Variants in PPM1L observed in about 807,000 individuals in gnomAD.
PPM1L encodes the protein protein phosphatase, Mg2+/Mn2+ dependent 1L.
A neutral mutation model predicts 31.4 loss-of-function variants in PPM1L; 13 were observed. The observed-to-expected ratio is 0.41, with a 90% CI of 0.27 to 0.66. PPM1L has a LOEUF of 0.66. Among genes scored for constraint, PPM1L ranks in the 30% least tolerant of loss-of-function variants. The pLI, the probability that PPM1L is intolerant of heterozygous loss-of-function variation, is 0.29. For missense variants in PPM1L, 326 were observed against 453.7 expected (o/e 0.72, Z 2.56); for synonymous variants, 184 against 175.4 (o/e 1.05, Z -0.39).
rs1490868317 is a variant in PPM1L, at chr3:160,994,163, A to G, written c.574+32253A>G. On this transcript the variant is annotated intron_variant, in intron 2 of 3. Transcript: ENST00000498165. ...TTCATCCAGAAAATAGTAATTGGGC[A>G]CCTATTTGTTATGCTGACCCTTATC... Among the ~76,000 whole-genome samples the G allele has an allele frequency of 3.3e-5, 5 of 152,148 alleles. No homozygotes were observed. In the East Asian group the frequency reaches 9.6e-4, roughly 29 times the overall value.
chr3:160,973,771 T>TG (rs1344535777), intron 2 of PPM1L, among the ~76,000 whole-genome samples: 1 of 44,232 alleles, frequency 2.3e-5, no homozygotes, highest in Non-Finnish European at 3.8e-5. Context: ...CCTGTTTTTT[T>TG]TTTTTTTTTT....
chr3:160,784,604 A>C (rs909248739), intron 1 of PPM1L, among the ~76,000 whole-genome samples: 1 of 152,238 alleles, frequency 6.6e-6, no homozygotes, highest in East Asian at 1.9e-4. Flanking sequence ...TGAGTTTAAC[A>C]ATCTACAAAA....
intron 1 of PPM1L, among the ~76,000 whole-genome samples, chr3:160,799,152 G>T (rs1712348166): frequency 6.6e-6 from 1 of 152,228 alleles, no homozygotes; most frequent in African/African-American, 2.4e-5. Flanking sequence ...TGTGAACATT[G>T]TTGAAATGAC....
At chr3:160,968,601 A>G (rs947891465) in intron 2 of PPM1L, among the ~76,000 whole-genome samples, 9 of 152,188 alleles carry the variant, frequency 5.9e-5, no homozygotes, top group Non-Finnish European at 1.3e-4. Context: ...GGGCATGAAT[A>G]AATATTCCCT....
At chr3:160,934,444 T>A (rs1714890886) in intron 1 of PPM1L, among the ~76,000 whole-genome samples, 1 of 152,246 alleles carries the variant, frequency 6.6e-6, no homozygotes. Flanking sequence ...CATTATGTTA[T>A]AATGAAAGTA....
In PPM1L at chr3:160,944,798, A is replaced by G. The variant is rs1269846945; in HGVS notation, c.400-16938A>G. ...ATATATTATATTATATATGTTATAT[A>G]TAACATATATAACATATATATGTTA... On this transcript the variant is annotated intron_variant, in intron 1 of 3. Transcript: ENST00000498165. 7.6e-4 allele frequency among the ~76,000 whole-genome samples: 18 copies of G among 23,590 alleles called. 4 individuals are homozygous for G. Among genetic ancestry groups the G allele is most frequent in the Non-Finnish European group, 1.7e-3 (13 of 7,854 alleles). The allele number at this position is 23,590 out of a possible 152,430, so 15.5% of individuals were successfully genotyped here.
rs78899270 is a variant in PPM1L, at chr3:161,014,183, G to A, written c.575-51220G>A. On this transcript the variant is annotated intron_variant, in intron 2 of 3. Coordinates refer to ENST00000498165, the MANE Select transcript of PPM1L (RefSeq NM_139245.4). ...TACTGGTTGTTCCTTTCCATGTGTA[G>A]TGCTTCCTTCAGGAGCTCTTGTAGG... Among the ~76,000 whole-genome samples, 37 of 152,214 alleles carry A rather than the reference G, an allele frequency of 2.4e-4. No homozygotes were observed. In the East Asian group the frequency reaches 7.0e-3, roughly 29 times the overall value.
chr3:160,973,171 A>C (rs929481723), intron 2 of PPM1L, among the ~76,000 whole-genome samples: 2 of 152,236 alleles, frequency 1.3e-5, no homozygotes, highest in African/African-American at 4.8e-5. Context: ...AGGAACACTG[A>C]TATTTAGAAT....
intron 1 of PPM1L, among the ~76,000 whole-genome samples, chr3:160,789,140 T>C (rs1197846828): frequency 6.6e-6 from 1 of 151,984 alleles, no homozygotes; most frequent in African/African-American, 2.4e-5. Context: ...TAAAGATTTC[T>C]ATTATGGATT....
At chr3:161,034,550 G>A (rs1393980522) in intron 2 of PPM1L, among the ~76,000 whole-genome samples, 1 of 151,980 alleles carries the variant, frequency 6.6e-6, no homozygotes, top group Non-Finnish European at 1.5e-5. Flanking sequence ...CAGGGATGTG[G>A]ATGAAGCTGG....
At chr3:160,771,048 T>A (rs1715241720) in intron 1 of PPM1L, among the ~76,000 whole-genome samples, 1 of 152,186 alleles carries the variant, frequency 6.6e-6, no homozygotes, top group Non-Finnish European at 1.5e-5. Context: ...AATATGTAAT[T>A]ATAAATGTGT....
At chr3:160,928,410 A>C (rs1383090713) in intron 1 of PPM1L, among the ~76,000 whole-genome samples, 1 of 152,160 alleles carries the variant, frequency 6.6e-6, no homozygotes, top group Non-Finnish European at 1.5e-5. Context: ...AACAGGGCCA[A>C]CTAGAGTCTT....
chr3:160,771,743 T>C (rs535353241), intron 1 of PPM1L, among the ~76,000 whole-genome samples: 10 of 152,156 alleles, frequency 6.6e-5, no homozygotes, highest in Non-Finnish European at 5.9e-5. Flanking sequence ...TAATGCCATA[T>C]TGAAAGCTTT....
chr3:160,818,904 A>T (rs900757954), intron 1 of PPM1L, among the ~76,000 whole-genome samples: 11 of 151,712 alleles, frequency 7.3e-5, no homozygotes, highest in Admixed American at 4.0e-4. Flanking sequence ...TTATTTATTT[A>T]TTTTTTTACT....
At chr3:161,055,734 C>T (rs1161231244) in intron 2 of PPM1L, among the ~76,000 whole-genome samples, 1 of 151,934 alleles carries the variant, frequency 6.6e-6, no homozygotes, top group Non-Finnish European at 1.5e-5. Flanking sequence ...TTCGCCTCCT[C>T]CCCTTCCTCA....
At chr3:160,808,423 G>T (rs914027943) in intron 1 of PPM1L, among the ~76,000 whole-genome samples, 2 of 145,738 alleles carry the variant, frequency 1.4e-5, no homozygotes, top group Non-Finnish European at 3.0e-5. Context: ...GTGTGTGTGT[G>T]GTGGGTGAGG....
intron 1 of PPM1L, among the ~76,000 whole-genome samples, chr3:160,901,648 T>C (rs1451069446): frequency 6.6e-6 from 1 of 152,196 alleles, no homozygotes; most frequent in Non-Finnish European, 1.5e-5. Flanking sequence ...TAGGTCACCT[T>C]ATCTCAAGCG....
In PPM1L at chr3:160,904,000, C is replaced by T. The variant is rs150503653; in HGVS notation, c.400-57736C>T. Among the ~76,000 whole-genome samples the T allele has an allele frequency of 3.2e-4, 48 of 152,082 alleles. No homozygotes were observed. The East Asian group carries it at 8.5e-3, about 27-fold the overall frequency. On this transcript the variant is annotated intron_variant, in intron 1 of 3. Coordinates refer to ENST00000498165, the MANE Select transcript of PPM1L (RefSeq NM_139245.4). ...CTGCAGGACCTTGTTTCCATTTTTG[C>T]CTTGAGTTGAAGGGAAGAGAAAAAT...
intron 1 of PPM1L, among the ~76,000 whole-genome samples, chr3:160,871,522 T>C (rs1404897972): frequency 1.3e-5 from 2 of 152,232 alleles, no homozygotes; most frequent in Non-Finnish European, 2.9e-5. Context: ...TACATGTTTG[T>C]TAAACCAAGA....
Sources: allele counts gnomAD v4.1 joint callset (sites outside exome capture counted in the v4.1 genomes callset), GRCh38; gene constraint gnomAD v4.1.1; transcripts MANE v1.5; gene names NCBI Gene and HGNC (gene_info 2026-07-23, HGNC 2026-07-21).